HCRTR2: variants seen among roughly 807,000 people sequenced by gnomAD.
HCRTR2 encodes the protein hypocretin receptor 2.
Under a neutral mutation model 49.0 loss-of-function variants are expected in HCRTR2, and 22 were observed. The observed-to-expected ratio is 0.45, with a 90% CI of 0.32 to 0.64. The LOEUF (loss-of-function observed/expected upper bound fraction) is 0.64, where lower values mean the gene tolerates loss of function less well. Ranked by LOEUF, HCRTR2 falls within the 30% of genes least tolerant of loss-of-function variation. The pLI is 0.04. For synonymous variants in HCRTR2, 236 were observed against 205.3 expected (o/e 1.15, Z -1.28); for missense variants, 491 against 559.4 (o/e 0.88, Z 1.23).
At position 55,226,849 on chromosome 6, in the gene HCRTR2, G is replaced by A. The variant is rs375285774; in HGVS notation, c.224-21790G>A. On this transcript the variant is annotated intron_variant, in intron 1 of 6. Transcript: ENST00000370862. ...TTCTCCTGCCTCAGCCTCCCGAGTA[G>A]CTGGGACTACAGGTGCCCGCCACCA... Among the ~76,000 whole-genome samples, 4 of 149,608 alleles carry A rather than the reference G, an allele frequency of 2.7e-5. No homozygotes were observed. The South Asian group carries it at 8.5e-4, about 32-fold the overall frequency.
intron 1 of HCRTR2, among the ~76,000 whole-genome samples, chr6:55,239,142 CT>C (rs2127304383): frequency 6.6e-6 from 1 of 152,276 alleles, no homozygotes; most frequent in African/African-American, 2.4e-5. Flanking sequence ...TGGAGTGAAA[CT>C]GTAACTACCA....
chr6:55,167,775 T>C (rs1764898409), intron 1 of HCRTR2, among the ~76,000 whole-genome samples: 1 of 152,232 alleles, frequency 6.6e-6, no homozygotes, highest in Non-Finnish European at 1.5e-5. Context: ...TAGTTTGTAC[T>C]GCAAGACTTG....
intron 3 of HCRTR2, among the ~76,000 whole-genome samples, chr6:55,259,043 A>G (rs1766705996): frequency 6.6e-6 from 1 of 152,112 alleles, no homozygotes; most frequent in African/African-American, 2.4e-5. Flanking sequence ...AGAGCAAGAC[A>G]CCATCTTCAA....
intron 1 of HCRTR2, among the ~76,000 whole-genome samples, chr6:55,201,430 G>C (rs548921082): frequency 3.8e-4 from 57 of 151,932 alleles, no homozygotes; most frequent in Admixed American, 4.6e-4. Context: ...GGTACATCTA[G>C]AATACTCATA....
intron 1 of HCRTR2, among the ~76,000 whole-genome samples, chr6:55,217,345 T>C (rs558289569): frequency 6.6e-6 from 1 of 152,352 alleles, no homozygotes; most frequent in African/African-American, 2.4e-5. Context: ...GCTGCAAACT[T>C]TTCAAATCAT....
intron 1 of HCRTR2, among the ~76,000 whole-genome samples, chr6:55,155,994 C>T (rs1159787245): frequency 6.6e-6 from 1 of 151,904 alleles, no homozygotes; most frequent in Non-Finnish European, 1.5e-5. Context: ...AGGTACCATC[C>T]TCACTTGCAA....
At chr6:55,180,410 G>C (rs940278141) in intron 1 of HCRTR2, among the ~76,000 whole-genome samples, 47 of 152,230 alleles carry the variant, frequency 3.1e-4, no homozygotes, top group African/African-American at 1.1e-3. Flanking sequence ...AATTTACAGA[G>C]TTGTTTGGGC....
intron 1 of HCRTR2, among the ~76,000 whole-genome samples, chr6:55,239,249 C>T (rs1216279462): frequency 1.3e-5 from 2 of 152,198 alleles, no homozygotes; most frequent in African/African-American, 4.8e-5. Context: ...CTGTGAAGAT[C>T]TATTAATAAC....
intron 1 of HCRTR2, among the ~76,000 whole-genome samples, chr6:55,235,606 T>A (rs1341780022): frequency 6.6e-6 from 1 of 152,104 alleles, no homozygotes; most frequent in Admixed American, 6.6e-5. Context: ...TTTATTTTTT[T>A]AACTGTCAAA....
At chr6:55,207,749 C>G (rs895634518) in intron 1 of HCRTR2, among the ~76,000 whole-genome samples, 2 of 152,164 alleles carry the variant, frequency 1.3e-5, no homozygotes, top group Non-Finnish European at 2.9e-5. Flanking sequence ...GGTGGAAGGT[C>G]AGTCAAGGTG....
intron 1 of HCRTR2, among the ~76,000 whole-genome samples, chr6:55,216,785 A>G (rs1765794849): frequency 6.6e-6 from 1 of 152,110 alleles, no homozygotes; most frequent in Non-Finnish European, 1.5e-5. Context: ...CTATAATTCT[A>G]GGATCTCAAA....
At chr6:55,148,585 G>A (rs1764624848) in intron 1 of HCRTR2, among the ~76,000 whole-genome samples, 2 of 152,138 alleles carry the variant, frequency 1.3e-5, no homozygotes, top group Admixed American at 6.5e-5. Context: ...CTGCAGGAAA[G>A]CTGCTGAGGA....
Position 55,177,609 on chromosome 6 carries a change from C to T in HCRTR2, c.223+2799C>T, listed in dbSNP as rs560163918. ...CAGGTCCAGTCACCATTTGTACTTT[C>T]ATATAACTGCTTGGAAAATCTCAAC... On this transcript the variant is annotated intron_variant, in intron 1 of 6. Transcript: ENST00000370862. Among the ~76,000 whole-genome samples, 130 of 152,272 alleles carry T rather than the reference C, an allele frequency of 8.5e-4. 1 individual carries two copies. The highest frequency in any genetic ancestry group is 1.2e-3 in the Non-Finnish European group (82 of 68,020).
chr6:55,123,369 A>G (rs1764228676), intron 1 of HCRTR2, among the ~76,000 whole-genome samples: 1 of 152,088 alleles, frequency 6.6e-6, no homozygotes, highest in African/African-American at 2.4e-5. Context: ...CCTTTTCTGC[A>G]TCTTTTGAGA....
chr6:55,240,764 T>A (rs1163748841), intron 1 of HCRTR2: 1 of 421,914 alleles, frequency 2.4e-6, no homozygotes, highest in Non-Finnish European at 4.8e-6. Context: ...GATACTGTAA[T>A]GATTTTGGAT....
At chr6:55,246,616 G>A (rs528281618) in intron 1 of HCRTR2, among the ~76,000 whole-genome samples, 2 of 152,124 alleles carry the variant, frequency 1.3e-5, no homozygotes, top group Non-Finnish European at 2.9e-5. Context: ...TCAATCAAGA[G>A]GATATATGGA....
chr6:55,217,299 T>C (rs983261269), intron 1 of HCRTR2, among the ~76,000 whole-genome samples: 13 of 152,206 alleles, frequency 8.5e-5, no homozygotes, highest in Admixed American at 4.6e-4. Flanking sequence ...GCTAATCTCT[T>C]TAGCAAGCAG....
intron 1 of HCRTR2, among the ~76,000 whole-genome samples, chr6:55,190,772 CA>C (rs1765302095): frequency 6.6e-6 from 1 of 151,930 alleles, no homozygotes; most frequent in Non-Finnish European, 1.5e-5. Context: ...ATCCAGAAAA[CA>C]AAAACAGGAG....
At chr6:55,133,310 C>T (rs1764384158) in intron 1 of HCRTR2, among the ~76,000 whole-genome samples, 1 of 151,636 alleles carries the variant, frequency 6.6e-6, no homozygotes, top group South Asian at 2.1e-4. Context: ...AGCTAACAGA[C>T]ATATTCTTCC....
Sources: allele counts gnomAD v4.1 joint callset (sites outside exome capture counted in the v4.1 genomes callset), GRCh38; gene constraint gnomAD v4.1.1; transcripts MANE v1.5; gene names NCBI Gene and HGNC (gene_info 2026-07-23, HGNC 2026-07-21).